Variants in EFCAB8 observed in about 807,000 individuals in gnomAD.
EFCAB8 encodes EF-hand calcium-binding domain-containing protein 8.
EFCAB8 carries 100 observed loss-of-function variants against 116.3 expected under a neutral mutation model. That is an observed-to-expected ratio of 0.86 (90% CI 0.73 to 1.02). The LOEUF is 1.02. EFCAB8 is among the 50% of genes least tolerant of loss of function. The pLI, the probability that EFCAB8 is intolerant of heterozygous loss-of-function variation, is 0.00. For synonymous variants in EFCAB8, 558 were observed against 567.9 expected (o/e 0.98, Z 0.25); for missense variants, 1,320 against 1,416.9 (o/e 0.93, Z 1.10).
chr20:32,881,870 G>C (rs1260948582), intron 5 of EFCAB8, among the ~76,000 whole-genome samples: 1 of 152,140 alleles, frequency 6.6e-6, no homozygotes, highest in African/African-American at 2.4e-5. Context: ...GGCCCTTAGG[G>C]AATTCTGACA....
intron 22 of EFCAB8, among the ~76,000 whole-genome samples, chr20:32,942,718 A>G (rs1600457300): frequency 6.6e-6 from 1 of 152,188 alleles, no homozygotes; most frequent in East Asian, 1.9e-4. Flanking sequence ...TCACTTTCTT[A>G]GAGAAAAGAT....
rs539259330 is a variant in EFCAB8, at chr20:32,933,744, C to T, written c.2790+2408C>T. Among the ~76,000 whole-genome samples the T allele has an allele frequency of 9.2e-5, 14 of 152,242 alleles. No homozygotes were observed. The Middle Eastern group carries it at 0.014, about 148-fold the overall frequency. On this transcript the variant is annotated intron_variant, in intron 22 of 26. Coordinates refer to ENST00000400522, the MANE Select transcript of EFCAB8 (RefSeq NM_001143967.2). ...CTGTAATCCCAGTACTTTGGGAGGC[C>T]GAGGCGGGCAGATCACCTGAGGTCA...
chr20:32,938,614 A>G (rs570497734), intron 22 of EFCAB8, among the ~76,000 whole-genome samples: 12 of 149,910 alleles, frequency 8.0e-5, no homozygotes, highest in Admixed American at 7.9e-4. Flanking sequence ...AATATACAAA[A>G]CCAATATATT....
intron 11 of EFCAB8, 107 bp downstream of exon 11, chr20:32,898,730 C>G: frequency 1.6e-6 from 1 of 636,222 alleles, no homozygotes; most frequent in Non-Finnish European, 2.9e-6. Flanking sequence ...TGTATGGACT[C>G]TGGGGTTTAG....
chr20:32,904,758 C>G (rs1199096819), intron 11 of EFCAB8, among the ~76,000 whole-genome samples: 2 of 152,024 alleles, frequency 1.3e-5, no homozygotes, highest in Non-Finnish European at 2.9e-5. Context: ...TCCTGAGTAG[C>G]TGGGATTACA....
intron 1 of EFCAB8, among the ~76,000 whole-genome samples, chr20:32,860,375 A>G (rs1984041638): frequency 6.6e-6 from 1 of 151,822 alleles, no homozygotes; most frequent in Non-Finnish European, 1.5e-5. Context: ...TTTCCTTATG[A>G]TTAGATTCAG....
At position 32,876,093 on chromosome 20, in the gene EFCAB8, G is replaced by A. The variant is rs1984957268; in HGVS notation, c.327+49G>A. On this transcript the variant is annotated intron_variant, in intron 4 of 26. Transcript: ENST00000400522. ...TCAGGTGCTGGAGGGAGGCTGGAGG[G>A]TCCAGTCCTTGACCAGTTGGTGGGG... The A allele has an allele frequency of 2.7e-6, 4 of 1,489,602 alleles. No homozygotes were observed. The South Asian group carries it at 3.6e-5, about 14-fold the overall frequency. 92.3% of individuals were successfully genotyped at this position (1,489,602 alleles called of 1,614,324 possible). A position where few individuals can be genotyped will look rare whatever the true frequency, so the allele number is the denominator to read the frequency against.
chr20:32,871,264 T>A (rs1178287373), intron 3 of EFCAB8, among the ~76,000 whole-genome samples: 7 of 152,050 alleles, frequency 4.6e-5, no homozygotes, highest in East Asian at 3.9e-4. Flanking sequence ...TTATTTTTTT[T>A]AATTTTTATT....
At chr20:32,877,172 T>G (rs1312967954) in intron 4 of EFCAB8, among the ~76,000 whole-genome samples, 1 of 151,712 alleles carries the variant, frequency 6.6e-6, no homozygotes, top group South Asian at 2.1e-4. Context: ...CTGGGTTTTC[T>G]TCTTCTCAAT....
intron 11 of EFCAB8, 54 bp downstream of exon 11, chr20:32,898,677 G>T: frequency 1.4e-6 from 1 of 706,640 alleles, no homozygotes; most frequent in Admixed American, 2.0e-5. Context: ...GGAGGGGGGT[G>T]GTGAGTGGAC....
chr20:32,908,335 T>A lies in EFCAB8; in HGVS notation c.1369T>A (p.Phe457Ile). The A allele has an allele frequency of 1.6e-6, 2 of 1,249,960 alleles. No individual in the cohort carries two copies. Among genetic ancestry groups the A allele is most frequent in the Non-Finnish European group, 2.0e-6 (2 of 988,270 alleles). 77.4% of individuals were successfully genotyped at this position (1,249,960 alleles called of 1,614,324 possible). A position where few individuals can be genotyped will look rare whatever the true frequency, so the allele number is the denominator to read the frequency against. Residue 457 changes from phenylalanine to isoleucine, a missense_variant, in exon 14 of 27, where the codon TTT becomes ATT. Phe to Ile is a conservative substitution (Grantham distance 21). Coordinates refer to ENST00000400522, the MANE Select transcript of EFCAB8 (RefSeq NM_001143967.2). ...CCTCCAGTCCTTCTGTGGGAAGTTT[T>A]TTGCTCTGGGAAACTGCCCCATCAC... ...ICLQSFCGKF[F>I]ALGNCPITSA... is the part of the protein sequence containing the mutation.
At chr20:32,908,512 C>G (rs1003458116) in intron 14 of EFCAB8, 100 bp downstream of exon 14, 10 of 1,183,452 alleles carry the variant, frequency 8.4e-6, no homozygotes, top group Non-Finnish European at 1.1e-5. Flanking sequence ...TCCTGTCCCT[C>G]CTGGGACTGC....
At chr20:32,911,256 T>C (rs1986904110) in intron 15 of EFCAB8, among the ~76,000 whole-genome samples, 1 of 152,234 alleles carries the variant, frequency 6.6e-6, no homozygotes, top group South Asian at 2.1e-4. Flanking sequence ...CATTTCTGAG[T>C]TAACAGGTCT....
chr20:32,867,112 T>C (rs1224394959), intron 2 of EFCAB8, among the ~76,000 whole-genome samples: 1 of 151,898 alleles, frequency 6.6e-6, no homozygotes, highest in African/African-American at 2.4e-5. Flanking sequence ...TAGACGTGGG[T>C]TTCTACCATG....
chr20:32,926,259 T>C (rs1195454072), intron 20 of EFCAB8, among the ~76,000 whole-genome samples: 2 of 152,254 alleles, frequency 1.3e-5, no homozygotes, highest in Non-Finnish European at 2.9e-5. Flanking sequence ...AACCACATTT[T>C]AGAAAAATAC....
At chr20:32,859,936 A>G (rs552757296) in intron 1 of EFCAB8, among the ~76,000 whole-genome samples, 1 of 152,308 alleles carries the variant, frequency 6.6e-6, no homozygotes, top group East Asian at 1.9e-4. Context: ...AGAATCGTGC[A>G]TTGCCTTTAG....
In EFCAB8 at chr20:32,961,547, C is replaced by T. The variant is rs1989155532; in HGVS notation, c.3805C>T (p.Pro1269Ser). Residue 1269 changes from proline (P) to serine (S), a missense_variant, in exon 27 of 27, where the codon CCA (proline) becomes TCA (serine). Coordinates refer to ENST00000400522, the MANE Select transcript of EFCAB8 (RefSeq NM_001143967.2). ...KHIVSSFERP[P>S]RPLKATFMSS... ...CATTGTCTCCTCCTTCGAGCGGCCC[C>T]CAAGGCCTCTGAAGGCCACCTTCAT... 1.4e-6 allele frequency: 2 copies of T among 1,407,116 alleles called. No individual in the cohort carries two copies. Among genetic ancestry groups the T allele is most frequent in the African/African-American group, 1.4e-5 (1 of 69,216 alleles). 87.2% of individuals were successfully genotyped at this position (1,407,116 alleles called of 1,614,324 possible).
At chr20:32,955,518 G>A (rs1033674972) in intron 23 of EFCAB8, among the ~76,000 whole-genome samples, 1 of 152,054 alleles carries the variant, frequency 6.6e-6, no homozygotes, top group Non-Finnish European at 1.5e-5. Context: ...CCAGCTTGGG[G>A]AACAGAACAA....
chr20:32,894,496 A>G (rs1986066638), intron 9 of EFCAB8, among the ~76,000 whole-genome samples: 1 of 152,190 alleles, frequency 6.6e-6, no homozygotes, highest in South Asian at 2.1e-4. Flanking sequence ...CACATGGTGA[A>G]TGGGATATTG....
Sources: gnomAD v4.1 joint callset for allele counts (sites outside exome capture counted in the v4.1 genomes callset) on GRCh38, gnomAD v4.1.1 for gene constraint, MANE v1.5 for transcripts, NCBI Gene and HGNC (gene_info 2026-07-23, HGNC 2026-07-21) for gene names.